The following PDZD2 variants were observed in gnomAD, a reference collection of about 807,000 sequenced individuals.
PDZD2 encodes PDZ domain containing 2, also known as PDZ domain-containing protein 2.
Under a neutral mutation model 220.7 loss-of-function variants are expected in PDZD2, and 90 were observed. The observed-to-expected ratio is 0.41, with a 90% CI of 0.34 to 0.49. The LOEUF is 0.49. Among genes scored for constraint, PDZD2 ranks in the 20% least tolerant of loss-of-function variants. The pLI is 0.28. For missense variants in PDZD2, 3,174 were observed against 3,608.5 expected (o/e 0.88, Z 3.08); for synonymous variants, 1,375 against 1,450.5 (o/e 0.95, Z 1.18).
At chr5:31,819,572 G>A (rs1409354518) in intron 2 of PDZD2, among the ~76,000 whole-genome samples, 11 of 149,264 alleles carry the variant, frequency 7.4e-5, no homozygotes, top group East Asian at 3.9e-4. Flanking sequence ...CAGGAGAGTC[G>A]TTCGAACCTG....
chr5:32,021,251 T>C (rs1754177870), intron 6 of PDZD2, among the ~76,000 whole-genome samples: 2 of 151,102 alleles, frequency 1.3e-5, no homozygotes, highest in African/African-American at 4.9e-5. Context: ...ACTGTTTGCT[T>C]GCCTTGATTT....
At chr5:32,016,880 T>G (rs1178756595) in intron 6 of PDZD2, among the ~76,000 whole-genome samples, 1 of 152,136 alleles carries the variant, frequency 6.6e-6, no homozygotes, top group Non-Finnish European at 1.5e-5. Context: ...CGTAGTGACA[T>G]TGTTATTCAA....
chr5:31,850,634 CTTT>C (rs1202109766), intron 2 of PDZD2, among the ~76,000 whole-genome samples: 7 of 118,298 alleles, frequency 5.9e-5, no homozygotes, highest in Admixed American at 9.4e-5. Context: ...TACCCAAATT[CTTT>C]TTTTTTTTTT....
chr5:31,703,739 C>T (rs1747694067), intron 1 of PDZD2, among the ~76,000 whole-genome samples: 1 of 152,210 alleles, frequency 6.6e-6, no homozygotes, highest in Admixed American at 6.5e-5. Flanking sequence ...TGGTCATTCT[C>T]ACATTGCCCA....
chr5:32,031,342 A>G (rs1274788024), intron 6 of PDZD2, among the ~76,000 whole-genome samples: 1 of 152,098 alleles, frequency 6.6e-6, no homozygotes, highest in Non-Finnish European at 1.5e-5. Flanking sequence ...GTTAGTCATC[A>G]TGTATTTCTT....
intron 6 of PDZD2, among the ~76,000 whole-genome samples, chr5:32,022,187 TTTTTTG>T (rs1754257991): frequency 4.8e-5 from 7 of 144,534 alleles, no homozygotes; most frequent in Admixed American, 2.0e-4. Context: ...GTTTTTTTGT[TTTTTTG>T]TTTTTTGTTT....
chr5:32,105,200 G>C (rs1358284712), intron 24 of PDZD2, among the ~76,000 whole-genome samples: 3 of 151,978 alleles, frequency 2.0e-5, no homozygotes, highest in Non-Finnish European at 4.4e-5. Flanking sequence ...AATTCAGTAA[G>C]AAAAATACAA....
chr5:32,032,632 T>A (rs1755215109), intron 6 of PDZD2, among the ~76,000 whole-genome samples: 1 of 152,210 alleles, frequency 6.6e-6, no homozygotes, highest in Non-Finnish European at 1.5e-5. Context: ...TTCTTTATCC[T>A]TGTAAATTAT....
At chr5:31,906,044 C>G (rs372437106) in intron 2 of PDZD2, among the ~76,000 whole-genome samples, 1 of 144,888 alleles carries the variant, frequency 6.9e-6, no homozygotes, top group Admixed American at 7.0e-5. Flanking sequence ...TTTTTTGAGA[C>G]AGAGTCTCGC....
intron 2 of PDZD2, among the ~76,000 whole-genome samples, chr5:31,853,284 C>A (rs1479865831): frequency 1.3e-5 from 2 of 152,182 alleles, no homozygotes; most frequent in Admixed American, 6.5e-5. Context: ...GAGGACTGGT[C>A]TACAAAGCTT....
intron 1 of PDZD2, among the ~76,000 whole-genome samples, chr5:31,763,160 C>T (rs1651408): frequency 0.053 from 8,101 of 152,234 alleles, 508 homozygotes; most frequent in African/African-American, 0.15. Context: ...AGCTGCAGGG[C>T]TCTGAGTCTA....
At chr5:31,913,161 G>T (rs972248854) in intron 2 of PDZD2, among the ~76,000 whole-genome samples, 1 of 152,108 alleles carries the variant, frequency 6.6e-6, no homozygotes, top group Non-Finnish European at 1.5e-5. Context: ...TTGAGGTCAG[G>T]AGTTCAAGAC....
intron 1 of PDZD2, among the ~76,000 whole-genome samples, chr5:31,723,500 C>G (rs937653046): frequency 2.0e-5 from 3 of 152,140 alleles, no homozygotes; most frequent in African/African-American, 7.2e-5. Flanking sequence ...AAAGATGTGA[C>G]TCTTGCTTAA....
At chr5:31,966,776 T>C (rs1748798886) in intron 2 of PDZD2, among the ~76,000 whole-genome samples, 1 of 152,132 alleles carries the variant, frequency 6.6e-6, no homozygotes, top group Admixed American at 6.5e-5. Flanking sequence ...TTCTAAGGAG[T>C]ATCCTTTGCT....
At chr5:31,712,299 C>T (rs1748160384) in intron 1 of PDZD2, among the ~76,000 whole-genome samples, 2 of 152,150 alleles carry the variant, frequency 1.3e-5, no homozygotes, top group Admixed American at 1.3e-4. Context: ...TTTGGTGGGG[C>T]AGTTCCCTGC....
intron 1 of PDZD2, among the ~76,000 whole-genome samples, chr5:31,734,432 G>A (rs1038185032): frequency 1.3e-5 from 2 of 152,126 alleles, no homozygotes; most frequent in African/African-American, 4.8e-5. Context: ...CGATTCTCCT[G>A]CCTCAGCCCC....
In PDZD2 at chr5:32,098,965, G is replaced by A. The variant is rs941982767; in HGVS notation, c.8218+331G>A. ...ACTGGTAAGGAAAACAGGAAACTAC[G>A]TGACGGGGCGAGCAGTGTTGAAGGA... On this transcript the variant is annotated intron_variant, in intron 23 of 24. Transcript: ENST00000438447. This position sits in a 1 kb window ranked among gnomAD's most constrained non-coding sequence, Gnocchi z 4.1. Among the ~76,000 whole-genome samples, 6 of 152,184 alleles carry A rather than the reference G, an allele frequency of 3.9e-5. No individual in the cohort carries two copies. Among genetic ancestry groups the A allele is most frequent in the African/African-American group, 7.2e-5 (3 of 41,452 alleles).
intron 2 of PDZD2, among the ~76,000 whole-genome samples, chr5:31,910,037 G>T (rs1743029304): frequency 6.6e-6 from 1 of 152,080 alleles, no homozygotes; most frequent in African/African-American, 2.4e-5. Context: ...TGTCATCGGT[G>T]CCTTACATGT....
rs142494507 is a variant in PDZD2 at position 32,088,498 on chromosome 5, A to G, written c.5050A>G (p.Thr1684Ala). Reference protein sequence around the residue: ...QEHETHADISTSQNHRPSCAE... With the variant: ...QEHETHADISASQNHRPSCAE... ...GCATGAAACTCATGCGGACATAAGC[A>G]CTTCACAGAACCACAGGCCCTCGTG... The change falls in exon 20 of 25, where the codon ACT becomes GCT. Residue 1684 changes from threonine (T) to alanine (A), a missense_variant. Thr to Ala is a moderately conservative substitution (Grantham distance 58, BLOSUM62 0). Coordinates refer to ENST00000438447, the MANE Select transcript of PDZD2 (RefSeq NM_178140.4). The surrounding 1 kb of genome is among the most constrained non-coding windows in gnomAD (Gnocchi z 4.6). 112 of 1,614,172 alleles carry G rather than the reference A, an allele frequency of 6.9e-5. No individual in the cohort carries two copies. In the African/African-American group the frequency reaches 1.4e-3, roughly 20 times the overall value.
Sources: gnomAD v4.1 joint callset for allele counts (sites outside exome capture counted in the v4.1 genomes callset) on GRCh38, gnomAD v4.1.1 for gene constraint, Gnocchi (gnomAD v3.1) non-coding constraint, MANE v1.5 for transcripts, NCBI Gene and HGNC (gene_info 2026-07-23, HGNC 2026-07-21) for gene names.